The following DLGAP2 variants were observed in gnomAD, a reference collection of about 807,000 sequenced individuals.
DLGAP2 encodes the protein disks large-associated protein 2.
DLGAP2 carries 26 observed loss-of-function variants against 100.3 expected under a neutral mutation model. The ratio of observed to expected loss-of-function variants is 0.26; its 90% CI spans 0.19 to 0.36. The LOEUF is 0.36. Among genes scored for constraint, DLGAP2 ranks in the 10% least tolerant of loss-of-function variants. The pLI, the probability that DLGAP2 is intolerant of heterozygous loss-of-function variation, is 1.00. For synonymous variants in DLGAP2, 886 were observed against 630.1 expected (o/e 1.41, Z -6.08); for missense variants, 1,858 against 1,453.2 (o/e 1.28, Z -4.53).
At chr8:1,170,560 C>T (rs376547356) in intron 2 of DLGAP2, among the ~76,000 whole-genome samples, 3 of 147,088 alleles carry the variant, frequency 2.0e-5, no homozygotes, top group African/African-American at 7.5e-5. Flanking sequence ...ACAATTTCAG[C>T]TCCTGTTATT....
chr8:1,212,237 C>T (rs76385705), intron 2 of DLGAP2, among the ~76,000 whole-genome samples: 92 of 152,264 alleles, frequency 6.0e-4, no homozygotes, highest in East Asian at 2.5e-3. Flanking sequence ...TCTCATCCTT[C>T]GGATACCTGG....
chr8:1,025,612 C>T (rs1279306476), intron 2 of DLGAP2, among the ~76,000 whole-genome samples: 1 of 152,152 alleles, frequency 6.6e-6, no homozygotes, highest in Non-Finnish European at 1.5e-5. Flanking sequence ...ATGAGCGATG[C>T]CTGGAGAACC....
intron 5 of DLGAP2, among the ~76,000 whole-genome samples, chr8:1,558,650 AAC>A (rs756941378): frequency 4.5e-5 from 6 of 134,514 alleles, no homozygotes; most frequent in Admixed American, 2.2e-4. Flanking sequence ...CACATACATA[AAC>A]ACACATATGC....
intron 2 of DLGAP2, among the ~76,000 whole-genome samples, chr8:1,230,376 C>G (rs1291550726): frequency 5.9e-5 from 9 of 152,014 alleles, no homozygotes; most frequent in African/African-American, 2.2e-4. Flanking sequence ...CACAAGCAAC[C>G]AAAAACATTC....
chr8:931,233 G>A (rs368475998), intron 2 of DLGAP2, among the ~76,000 whole-genome samples: 1 of 152,216 alleles, frequency 6.6e-6, no homozygotes, highest in South Asian at 2.1e-4. Context: ...CTGAGGAGCA[G>A]CGTGTGCAGC....
At chr8:1,424,092 C>T (rs764630949) in intron 3 of DLGAP2, among the ~76,000 whole-genome samples, 1 of 152,242 alleles carries the variant, frequency 6.6e-6, no homozygotes, top group African/African-American at 2.4e-5. Flanking sequence ...TCAGAGGACA[C>T]CAGCATGAAG....
chr8:1,096,266 C>T (rs1359761634), intron 2 of DLGAP2, among the ~76,000 whole-genome samples: 1 of 152,224 alleles, frequency 6.6e-6, no homozygotes, highest in Non-Finnish European at 1.5e-5. Context: ...TAAAATCAAG[C>T]CTTGCCAAGC....
chr8:1,459,684 C>CT (rs3052056), intron 3 of DLGAP2, among the ~76,000 whole-genome samples: 12,641 of 120,738 alleles, frequency 0.1, 1,022 homozygotes, highest in East Asian at 0.29. Flanking sequence ...CTGTTGTTTT[C>CT]TTTTTTTTTT....
intron 3 of DLGAP2, among the ~76,000 whole-genome samples, chr8:1,328,966 G>A (rs1232958164): frequency 1.3e-5 from 2 of 152,244 alleles, no homozygotes; most frequent in African/African-American, 2.4e-5. Context: ...GCTGTGTTAT[G>A]AATTATGCGT....
chr8:1,293,178 C>T (rs1800098767), intron 3 of DLGAP2, among the ~76,000 whole-genome samples: 1 of 152,146 alleles, frequency 6.6e-6, no homozygotes, highest in African/African-American at 2.4e-5. Context: ...TCTCTGTCTT[C>T]CTCTTTCCAT....
At chr8:1,124,892 G>A (rs778920462) in intron 2 of DLGAP2, among the ~76,000 whole-genome samples, 1 of 152,152 alleles carries the variant, frequency 6.6e-6, no homozygotes. Context: ...TCCCATTCCA[G>A]TTGCTGAGGC....
At chr8:1,338,414 A>G (rs1429464010) in intron 3 of DLGAP2, among the ~76,000 whole-genome samples, 6 of 152,308 alleles carry the variant, frequency 3.9e-5, no homozygotes, top group East Asian at 3.9e-4. Context: ...GCATGATTCT[A>G]TTTATATGAA....
At chr8:875,896 C>G (rs1231913270) in intron 1 of DLGAP2, among the ~76,000 whole-genome samples, 1 of 152,122 alleles carries the variant, frequency 6.6e-6, no homozygotes, top group Non-Finnish European at 1.5e-5. Flanking sequence ...TAAATAGAAG[C>G]ATTACTTCTA....
chr8:897,392 C>A (rs1798163405), intron 1 of DLGAP2, among the ~76,000 whole-genome samples: 1 of 152,192 alleles, frequency 6.6e-6, no homozygotes, highest in African/African-American at 2.4e-5. Context: ...TTAGGAAGGC[C>A]TGGGAGGACT....
chr8:799,150 C>G (rs754497308), intron 1 of DLGAP2, among the ~76,000 whole-genome samples: 3 of 152,156 alleles, frequency 2.0e-5, no homozygotes, highest in Non-Finnish European at 4.4e-5. Context: ...CCTAAGAATC[C>G]GAGTGTCTTT....
rs137981810 is a variant in DLGAP2, at chr8:1,224,632, G to A, written c.74-34219G>A. Among the ~76,000 whole-genome samples the A allele has an allele frequency of 5.7e-4, 87 of 152,278 alleles. 2 individuals carry two copies. In the East Asian group the frequency reaches 0.016, roughly 28 times the overall value. ...ATTAACTCATAAGGAGAAAAAAAGA[G>A]ATGACTGAAATTACTAAAATCCAGA... On this transcript the variant is annotated intron_variant, in intron 2 of 14. Coordinates refer to ENST00000637795, the MANE Select transcript of DLGAP2 (RefSeq NM_001346810.2).
chr8:1,321,359 C>G (rs570222846), intron 3 of DLGAP2, among the ~76,000 whole-genome samples: 1 of 150,926 alleles, frequency 6.6e-6, no homozygotes, highest in Non-Finnish European at 1.5e-5. Context: ...CTTATGCATC[C>G]GTACCATGTG....
At chr8:1,346,777 C>G (rs999440582) in intron 3 of DLGAP2, among the ~76,000 whole-genome samples, 9 of 151,064 alleles carry the variant, frequency 6.0e-5, no homozygotes, top group Admixed American at 4.0e-4. Flanking sequence ...AGTTCCTATA[C>G]AGAACTGCTT....
At chr8:1,253,910 T>G (rs1291176243) in intron 2 of DLGAP2, among the ~76,000 whole-genome samples, 1 of 152,182 alleles carries the variant, frequency 6.6e-6, no homozygotes, top group Non-Finnish European at 1.5e-5. Flanking sequence ...GCTGGGTGAT[T>G]TTAAACATAT....
Sources: gnomAD v4.1 joint callset for allele counts (sites outside exome capture counted in the v4.1 genomes callset) on GRCh38, gnomAD v4.1.1 for gene constraint, MANE v1.5 for transcripts, NCBI Gene and HGNC (gene_info 2026-07-23, HGNC 2026-07-21) for gene names.